SYT9: variants seen among roughly 807,000 people sequenced by gnomAD.
SYT9 encodes synaptotagmin 9, also known as synaptotagmin-9.
In SYT9, 22 loss-of-function variants were observed where a neutral mutation model predicts 48.4. The observed-to-expected ratio is 0.45, with a 90% CI of 0.32 to 0.65. The LOEUF is 0.65. SYT9 is among the 30% of genes least tolerant of loss of function. The pLI, the probability that SYT9 is intolerant of heterozygous loss-of-function variation, is 0.03. For missense variants in SYT9, 577 were observed against 622.0 expected, an observed-to-expected ratio of 0.93 and a Z score of 0.77; for synonymous variants, 265 against 245.0, an observed-to-expected ratio of 1.08 and a Z score of -0.76.
intron 3 of SYT9, among the ~76,000 whole-genome samples, chr11:7,363,447 A>G (rs1298936959): frequency 4.6e-5 from 7 of 152,204 alleles, no homozygotes; most frequent in Non-Finnish European, 5.9e-5. Flanking sequence ...TCATGAATTC[A>G]GTTTTGTGCA....
In SYT9 at chr11:7,411,800, T is replaced by G. The variant is rs552394016; in HGVS notation, c.1045-4242T>G. On this transcript the variant is annotated intron_variant, in intron 3 of 6. Coordinates refer to ENST00000318881, the MANE Select transcript of SYT9 (RefSeq NM_175733.4). ...CTATTATTTCATTAAATAGATTTTC[T>G]AATCCTTTCATTCTCTCTTTGCCCT... Among the ~76,000 whole-genome samples, 4 of 152,346 alleles carry G rather than the reference T, an allele frequency of 2.6e-5. 1 individual carries two copies. The South Asian group carries it at 8.3e-4, about 32-fold the overall frequency.
chr11:7,297,816 A>G (rs1296327311), intron 1 of SYT9, among the ~76,000 whole-genome samples: 1 of 152,192 alleles, frequency 6.6e-6, no homozygotes, highest in African/African-American at 2.4e-5. Flanking sequence ...ATAGAATTCT[A>G]GTTTGAATGT....
chr11:7,291,578 A>G (rs1173421735), intron 1 of SYT9, among the ~76,000 whole-genome samples: 1 of 152,184 alleles, frequency 6.6e-6, no homozygotes, highest in Non-Finnish European at 1.5e-5. Flanking sequence ...TCTTTCAAGA[A>G]CTATGAGAAG....
rs16924593 is a variant in SYT9 at position 7,305,991 on chromosome 11, A to C, written c.497+2601A>C. ...AAGATGGGCTTTGTTTTATCTTCTA[A>C]GAATGTTTCTGGTCAGAATGACTTT... On this transcript the variant is annotated intron_variant, in intron 2 of 6. Transcript: ENST00000318881. 6.3e-3 allele frequency among the ~76,000 whole-genome samples: 954 copies of C among 152,246 alleles called. 7 individuals carry two copies. Among genetic ancestry groups the C allele is most frequent in the African/African-American group, 0.021 (885 of 41,530 alleles).
intron 2 of SYT9, among the ~76,000 whole-genome samples, chr11:7,308,922 G>C (rs552823094): frequency 6.6e-6 from 1 of 152,322 alleles, no homozygotes; most frequent in East Asian, 1.9e-4. Context: ...ATTCACATCT[G>C]AGGAAAGGAA....
intron 3 of SYT9, among the ~76,000 whole-genome samples, chr11:7,413,209 G>C (rs1847173074): frequency 6.6e-6 from 1 of 152,188 alleles, no homozygotes; most frequent in South Asian, 2.1e-4. Context: ...CAGTCCCCCA[G>C]CAGCTTGCAG....
chr11:7,344,985 A>G (rs901974770), intron 3 of SYT9, among the ~76,000 whole-genome samples: 12 of 151,310 alleles, frequency 7.9e-5, no homozygotes, highest in African/African-American at 2.7e-4. Flanking sequence ...TTGGGGTTGC[A>G]TTAAATATAG....
intron 6 of SYT9, chr11:7,438,287 G>A (rs181956367): frequency 5.3e-5 from 8 of 152,284 alleles, no homozygotes; most frequent in Admixed American, 2.6e-4. Flanking sequence ...ACTGCTGTGC[G>A]GGCTTTGACC....
At chr11:7,345,191 A>G (rs552697452) in intron 3 of SYT9, among the ~76,000 whole-genome samples, 222 of 151,954 alleles carry the variant, frequency 1.5e-3, no homozygotes, top group Non-Finnish European at 2.9e-3. Context: ...TCTAGGGGGG[A>G]TGGCCTCTCC....
chr11:7,351,986 G>GA (rs1849924743), intron 3 of SYT9, among the ~76,000 whole-genome samples: 1 of 152,220 alleles, frequency 6.6e-6, no homozygotes, highest in South Asian at 2.1e-4. Flanking sequence ...GGAGGGCACA[G>GA]AGGGACCAAC....
At chr11:7,267,246 A>G (rs1163650124) in intron 1 of SYT9, among the ~76,000 whole-genome samples, 1 of 152,064 alleles carries the variant, frequency 6.6e-6, no homozygotes, top group African/African-American at 2.4e-5. Flanking sequence ...CTGATAGAAT[A>G]CATCAACTAG....
chr11:7,322,002 A>G (rs1849346543), intron 3 of SYT9, among the ~76,000 whole-genome samples: 1 of 152,080 alleles, frequency 6.6e-6, no homozygotes, highest in African/African-American at 2.4e-5. Context: ...GTGGGAAATA[A>G]GTCCTGCTTG....
At chr11:7,306,297 A>G (rs1410164114) in intron 2 of SYT9, among the ~76,000 whole-genome samples, 1 of 152,208 alleles carries the variant, frequency 6.6e-6, no homozygotes. Flanking sequence ...TCCTAAGATG[A>G]AAGTTCATCC....
intron 6 of SYT9, among the ~76,000 whole-genome samples, chr11:7,426,247 A>G (rs1447153234): frequency 6.6e-6 from 1 of 152,022 alleles, no homozygotes; most frequent in Admixed American, 6.5e-5. Context: ...ATCAGACTTC[A>G]TCATCACTAC....
chr11:7,346,903 A>G (rs1849810545), intron 3 of SYT9, among the ~76,000 whole-genome samples: 1 of 152,170 alleles, frequency 6.6e-6, no homozygotes, highest in African/African-American at 2.4e-5. Flanking sequence ...CAATTTTTAT[A>G]TGGTTGTGAC....
At chr11:7,437,226 G>C (rs535447612) in intron 6 of SYT9, among the ~76,000 whole-genome samples, 1 of 152,284 alleles carries the variant, frequency 6.6e-6, no homozygotes, top group African/African-American at 2.4e-5. Flanking sequence ...AAAGACTTTA[G>C]TGTTAAGAAT....
chr11:7,443,418 T>A (rs1453359209), intron 6 of SYT9, among the ~76,000 whole-genome samples: 2 of 152,224 alleles, frequency 1.3e-5, no homozygotes, highest in Non-Finnish European at 2.9e-5. Context: ...GGATAGGGCA[T>A]GGGGTCCATG....
intron 3 of SYT9, among the ~76,000 whole-genome samples, chr11:7,358,470 T>A (rs911364096): frequency 6.6e-6 from 1 of 152,172 alleles, no homozygotes; most frequent in African/African-American, 2.4e-5. Flanking sequence ...AGGGCACTGT[T>A]AGGTCCTCCT....
intron 6 of SYT9, among the ~76,000 whole-genome samples, chr11:7,421,877 C>T (rs1176374404): frequency 6.6e-6 from 1 of 152,186 alleles, no homozygotes; most frequent in Non-Finnish European, 1.5e-5. Context: ...ATATAAAGTG[C>T]TACAAAAGCG....
Sources: gnomAD v4.1 joint callset for allele counts (sites outside exome capture counted in the v4.1 genomes callset) on GRCh38, gnomAD v4.1.1 for gene constraint, MANE v1.5 for transcripts, NCBI Gene and HGNC (gene_info 2026-07-23, HGNC 2026-07-21) for gene names.